Variants in GMDS observed in about 807,000 individuals in gnomAD.
GMDS encodes the protein GDP-mannose 4,6 dehydratase.
In GMDS, 20 loss-of-function variants were observed where a neutral mutation model predicts 49.9. That is an observed-to-expected ratio of 0.40 (90% CI 0.28 to 0.58). GMDS has a LOEUF of 0.58. Ranked by LOEUF, GMDS falls within the 20% of genes least tolerant of loss-of-function variation. GMDS has a pLI of 0.42. For missense variants in GMDS, 362 were observed against 481.4 expected (o/e 0.75, Z 2.32); for synonymous variants, 177 against 178.6 (o/e 0.99, Z 0.07).
chr6:2,089,131 T>C (rs997730906), intron 4 of GMDS, among the ~76,000 whole-genome samples: 4 of 152,226 alleles, frequency 2.6e-5, no homozygotes, highest in African/African-American at 9.6e-5. Context: ...GAAATGAATG[T>C]CATGAATAAA....
intron 1 of GMDS, among the ~76,000 whole-genome samples, chr6:2,233,888 T>C (rs1781231962): frequency 6.6e-6 from 1 of 152,206 alleles, no homozygotes; most frequent in Non-Finnish European, 1.5e-5. Flanking sequence ...TTGTCGATCC[T>C]GCTCTAAAGT....
chr6:1,850,847 A>T (rs1757633777), intron 7 of GMDS, among the ~76,000 whole-genome samples: 1 of 152,222 alleles, frequency 6.6e-6, no homozygotes, highest in Admixed American at 6.5e-5. Context: ...GCTATTACCC[A>T]AACCTGTTCG....
chr6:2,064,312 T>A (rs1217979408), intron 4 of GMDS, among the ~76,000 whole-genome samples: 1 of 152,150 alleles, frequency 6.6e-6, no homozygotes, highest in African/African-American at 2.4e-5. Flanking sequence ...GTTTATCAAA[T>A]TTAGTAAAAT....
intron 4 of GMDS, among the ~76,000 whole-genome samples, chr6:2,059,857 A>C (rs1344021597): frequency 6.6e-6 from 1 of 151,828 alleles, no homozygotes; most frequent in East Asian, 1.9e-4. Flanking sequence ...GCCCCCAAAA[A>C]TTTGCATAGT....
chr6:1,674,560 C>CTTTTT (rs869292549), intron 9 of GMDS, among the ~76,000 whole-genome samples: 7,495 of 73,340 alleles, frequency 0.1, 1,202 homozygotes, highest in Non-Finnish European at 0.13. Context: ...CTCTCTCTCT[C>CTTTTT]TTTTTTTTTT....
chr6:1,870,855 T>C (rs1192594117), intron 7 of GMDS, among the ~76,000 whole-genome samples: 2 of 152,178 alleles, frequency 1.3e-5, no homozygotes, highest in African/African-American at 4.8e-5. Flanking sequence ...CTAATTAACT[T>C]ATGTGAACAA....
At chr6:1,998,830 G>T (rs1766458038) in intron 4 of GMDS, among the ~76,000 whole-genome samples, 1 of 151,884 alleles carries the variant, frequency 6.6e-6, no homozygotes, top group African/African-American at 2.4e-5. Context: ...ATCCCCCATG[G>T]ATGCCAAGGG....
intron 7 of GMDS, among the ~76,000 whole-genome samples, chr6:1,769,787 C>T (rs953400197): frequency 2.6e-5 from 4 of 152,072 alleles, no homozygotes; most frequent in South Asian, 4.2e-4. Flanking sequence ...CCAAAAAATG[C>T]GTGATCTCTG....
chr6:1,883,585 G>A (rs1051031899), intron 7 of GMDS, among the ~76,000 whole-genome samples: 1 of 151,816 alleles, frequency 6.6e-6, no homozygotes, highest in African/African-American at 2.4e-5. Context: ...TCAGATACAT[G>A]AGCTCACTCT....
chr6:1,833,401 C>T lies in GMDS; in HGVS notation c.772-90815G>A, dbSNP rs977655695. On this transcript the variant is annotated intron_variant, in intron 7 of 10. Coordinates refer to ENST00000380815, the MANE Select transcript of GMDS (RefSeq NM_001500.4). The surrounding 1 kb of genome is among the most constrained non-coding windows in gnomAD (Gnocchi z 4.4). ...ACAGCATCTGTCCTCAGAGACCAAG[C>T]AGAGTGATTCACTATTTCATGGCAC... 3.9e-5 allele frequency among the ~76,000 whole-genome samples: 6 copies of T among 151,914 alleles called. No homozygotes were observed. The highest frequency in any genetic ancestry group is 1.5e-4 in the African/African-American group (6 of 41,342).
intron 1 of GMDS, among the ~76,000 whole-genome samples, chr6:2,203,547 G>A (rs1779648697): frequency 6.6e-6 from 1 of 152,044 alleles, no homozygotes; most frequent in Non-Finnish European, 1.5e-5. Flanking sequence ...AGCACAGTGT[G>A]AATACTGGTG....
At chr6:1,699,812 T>C (rs943954078) in intron 9 of GMDS, among the ~76,000 whole-genome samples, 5 of 151,776 alleles carry the variant, frequency 3.3e-5, no homozygotes, top group African/African-American at 1.2e-4. Flanking sequence ...GGGGACTTCC[T>C]TGGGGGTGGG....
intron 7 of GMDS, among the ~76,000 whole-genome samples, chr6:1,796,757 G>A (rs1167401340): frequency 1.3e-5 from 2 of 152,106 alleles, no homozygotes; most frequent in Non-Finnish European, 1.5e-5. Flanking sequence ...TTTTAGTAGC[G>A]AAAAACTTGA....
intron 9 of GMDS, among the ~76,000 whole-genome samples, chr6:1,665,258 A>G (rs1187788637): frequency 6.6e-6 from 1 of 152,196 alleles, no homozygotes; most frequent in Non-Finnish European, 1.5e-5. Context: ...CTCCTGGCTT[A>G]TACTTTTAAG....
chr6:1,675,651 G>C (rs1764594344), intron 9 of GMDS, among the ~76,000 whole-genome samples: 1 of 152,056 alleles, frequency 6.6e-6, no homozygotes, highest in Admixed American at 6.5e-5. Flanking sequence ...AGGAGATTGA[G>C]ACCATCCTGG....
intron 7 of GMDS, among the ~76,000 whole-genome samples, chr6:1,805,884 G>T (rs1770155938): frequency 6.6e-6 from 1 of 152,142 alleles, no homozygotes; most frequent in South Asian, 2.1e-4. Flanking sequence ...GAGAAACTCT[G>T]GTATAAGGTA....
At chr6:1,688,415 C>T (rs1185083056) in intron 9 of GMDS, among the ~76,000 whole-genome samples, 1 of 152,196 alleles carries the variant, frequency 6.6e-6, no homozygotes, top group Non-Finnish European at 1.5e-5. Flanking sequence ...ACAAGCTGGT[C>T]TACCTCTTTT....
intron 9 of GMDS, among the ~76,000 whole-genome samples, chr6:1,667,694 AT>A (rs3839497): frequency 2.9e-4 from 42 of 145,348 alleles, no homozygotes; most frequent in African/African-American, 1.0e-3. Context: ...GCACTTTTGT[AT>A]TTTTTTTTCT....
At chr6:1,964,842 C>T (rs1432356991) in intron 4 of GMDS, among the ~76,000 whole-genome samples, 1 of 152,074 alleles carries the variant, frequency 6.6e-6, no homozygotes, top group Non-Finnish European at 1.5e-5. Context: ...CCACAACAGG[C>T]CCCGGTGTGT....
Sources: allele counts gnomAD v4.1 joint callset (sites outside exome capture counted in the v4.1 genomes callset), GRCh38; gene constraint gnomAD v4.1.1; non-coding constraint Gnocchi (gnomAD v3.1); transcripts MANE v1.5; gene names NCBI Gene and HGNC (gene_info 2026-07-23, HGNC 2026-07-21).